FGF12: variants seen among roughly 807,000 people sequenced by gnomAD.
The protein encoded by FGF12 is fibroblast growth factor 12B.
FGF12 carries 14 observed loss-of-function variants against 23.6 expected under a neutral mutation model. The ratio of observed to expected loss-of-function variants is 0.59; its 90% confidence interval spans 0.39 to 0.93. The LOEUF (loss-of-function observed/expected upper bound fraction) is 0.93. Ranked by LOEUF, FGF12 falls within the 40% of genes least tolerant of loss-of-function variation. FGF12 has a pLI of 0.00. For missense variants in FGF12, 175 were observed against 217.8 expected, an observed-to-expected ratio of 0.80 and a Z score of 1.24; for synonymous variants, 62 against 77.3, an observed-to-expected ratio of 0.80 and a Z score of 1.04.
chr3:192,622,801 GAC>G (rs1401445641), intron 2 of FGF12, among the ~76,000 whole-genome samples: 1 of 152,000 alleles, frequency 6.6e-6, no homozygotes, highest in African/African-American at 2.4e-5. Context: ...CACAGACACA[GAC>G]ACACACACGT....
chr3:192,308,125 A>C (rs2108667476), intron 4 of FGF12, among the ~76,000 whole-genome samples: 1 of 152,334 alleles, frequency 6.6e-6, no homozygotes, highest in African/African-American at 2.4e-5. Context: ...TGTTGAGATG[A>C]TAAATTAGCA....
intron 5 of FGF12, among the ~76,000 whole-genome samples, chr3:192,151,206 G>C (rs1714035642): frequency 8.5e-6 from 1 of 118,286 alleles, no homozygotes; most frequent in South Asian, 2.9e-4. Context: ...TCAGCTTAAG[G>C]AGATTTTGGG....
At chr3:192,295,928 G>A (rs1715004317) in intron 4 of FGF12, among the ~76,000 whole-genome samples, 1 of 151,526 alleles carries the variant, frequency 6.6e-6, no homozygotes, top group Admixed American at 6.6e-5. Flanking sequence ...TGTTGCCCAG[G>A]CTGAGTGCAG....
chr3:192,372,824 A>C (rs933522666), intron 2 of FGF12, among the ~76,000 whole-genome samples: 1 of 152,162 alleles, frequency 6.6e-6, no homozygotes, highest in Admixed American at 6.5e-5. Context: ...GACCCTTAGC[A>C]TGGCCGGGAG....
chr3:192,471,064 A>T (rs542047141), intron 2 of FGF12, among the ~76,000 whole-genome samples: 1 of 152,266 alleles, frequency 6.6e-6, no homozygotes, highest in East Asian at 1.9e-4. Flanking sequence ...TTACATGATG[A>T]CTTTCACTCT....
chr3:192,296,107 T>C (rs917368505), intron 4 of FGF12, among the ~76,000 whole-genome samples: 1 of 146,420 alleles, frequency 6.8e-6, no homozygotes, highest in African/African-American at 2.5e-5. Context: ...GGTTTCACCA[T>C]GTTGCCCAGG....
At chr3:192,380,282 A>G (rs908249452) in intron 2 of FGF12, among the ~76,000 whole-genome samples, 1 of 152,194 alleles carries the variant, frequency 6.6e-6, no homozygotes, top group African/African-American at 2.4e-5. Context: ...TGTTTGCTTA[A>G]TGGACTGGTG....
intron 2 of FGF12, among the ~76,000 whole-genome samples, chr3:192,460,045 GA>G (rs1560117792): frequency 6.6e-6 from 1 of 152,102 alleles, no homozygotes; most frequent in Non-Finnish European, 1.5e-5. Context: ...GTACATTTAC[GA>G]TATGGGGATA....
rs199519909 is a variant in FGF12, at chr3:192,200,027, A to AAT, written c.229-29373_229-29372dup. Among the ~76,000 whole-genome samples, 441 of 152,176 alleles carry AAT rather than the reference A, an allele frequency of 2.9e-3. 8 individuals are homozygous for AAT. The East Asian group carries it at 0.031, about 11-fold the overall frequency. On this transcript the variant is annotated intron_variant, in intron 4 of 5. Transcript: ENST00000445105. ...TGCTAAAGAGGTAAATCAAAACAGC[A>AAT]ATAGAAAGGCCGGGTGCAGTGGCTC...
chr3:192,415,996 C>T (rs1721341193), intron 2 of FGF12, among the ~76,000 whole-genome samples: 1 of 152,002 alleles, frequency 6.6e-6, no homozygotes, highest in Admixed American at 6.6e-5. Context: ...TCCAAATTTT[C>T]AGGGAATGGA....
chr3:192,271,765 G>A (rs1043448558), intron 4 of FGF12, among the ~76,000 whole-genome samples: 1 of 152,062 alleles, frequency 6.6e-6, no homozygotes, highest in Admixed American at 6.6e-5. Context: ...AAACACAAAG[G>A]CAACTTAATG....
chr3:192,385,566 C>T (rs1369284112), intron 2 of FGF12, among the ~76,000 whole-genome samples: 1 of 152,144 alleles, frequency 6.6e-6, no homozygotes, highest in African/African-American at 2.4e-5. Context: ...TCACCCCCCC[C>T]AGCTCATAGT....
Position 192,492,134 on chromosome 3 carries a change from C to T in FGF12, c.14-131596G>A, listed in dbSNP as rs372788773. ...GCAGGAAGAAAAACTTTATAAAGGA[C>T]ACTTTGTTTGTATCTTACATATCTA... On this transcript the variant is annotated intron_variant, in intron 2 of 5. Coordinates refer to ENST00000445105, the MANE Select transcript of FGF12 (RefSeq NM_004113.6). Among the ~76,000 whole-genome samples, 11 of 152,220 alleles carry T rather than the reference C, an allele frequency of 7.2e-5. No homozygotes were observed. In the South Asian group the frequency reaches 2.1e-3, roughly 29 times the overall value.
At chr3:192,669,330 G>T (rs555193923) in intron 2 of FGF12, among the ~76,000 whole-genome samples, 1 of 152,202 alleles carries the variant, frequency 6.6e-6, no homozygotes, top group East Asian at 1.9e-4. Flanking sequence ...GTTCACGCCT[G>T]TAATCCCAGC....
At chr3:192,349,355 A>T (rs927420421) in intron 3 of FGF12, among the ~76,000 whole-genome samples, 1 of 152,022 alleles carries the variant, frequency 6.6e-6, no homozygotes, top group African/African-American at 2.4e-5. Flanking sequence ...TTTTAAAGTG[A>T]TCTCTAATTC....
intron 2 of FGF12, among the ~76,000 whole-genome samples, chr3:192,689,288 T>C (rs956148404): frequency 1.3e-5 from 2 of 152,186 alleles, no homozygotes; most frequent in African/African-American, 4.8e-5. Flanking sequence ...ATGTATACCC[T>C]AAATATCCTG....
In FGF12 at chr3:192,408,127, G is replaced by A. The variant is rs1451755188; in HGVS notation, c.14-47589C>T. ...CACAGGGAGCGCCCGTCTTTGCTGGGGCTGGAGCGGCGCTTGGAGGCCGAC... is the reference window on the plus strand; with the variant it reads ...CACAGGGAGCGCCCGTCTTTGCTGGAGCTGGAGCGGCGCTTGGAGGCCGAC... On this transcript the variant is annotated intron_variant, in intron 2 of 5. Transcript: ENST00000445105. This position sits in a 1 kb window ranked among gnomAD's most constrained non-coding sequence, Gnocchi z 7.3. 1.2e-6 allele frequency: 2 copies of A among 1,612,896 alleles called. No individual in the cohort carries two copies. The highest frequency in any genetic ancestry group is 2.2e-5 in the South Asian group (2 of 91,064).
chr3:192,415,245 A>G (rs933167339), intron 2 of FGF12, among the ~76,000 whole-genome samples: 1 of 152,036 alleles, frequency 6.6e-6, no homozygotes, highest in Admixed American at 6.6e-5. Context: ...GCCCTACTCT[A>G]AGTCCCACTG....
At chr3:192,189,047 T>G (rs1249349281) in intron 4 of FGF12, among the ~76,000 whole-genome samples, 1 of 152,174 alleles carries the variant, frequency 6.6e-6, no homozygotes, top group East Asian at 1.9e-4. Context: ...AACACAGATT[T>G]AGGGGAAACT....
Sources: gnomAD v4.1 joint callset for allele counts (sites outside exome capture counted in the v4.1 genomes callset) on GRCh38, gnomAD v4.1.1 for gene constraint, Gnocchi (gnomAD v3.1) non-coding constraint, MANE v1.5 for transcripts, NCBI Gene and HGNC (gene_info 2026-07-23, HGNC 2026-07-21) for gene names.